The following INPP4B variants were observed in gnomAD, a reference collection of about 807,000 sequenced individuals.
INPP4B encodes inositol polyphosphate 4-phosphatase type II.
INPP4B carries 55 observed loss-of-function variants against 122.5 expected under a neutral mutation model. The observed-to-expected ratio is 0.45, with a 90% CI of 0.36 to 0.56. The LOEUF (loss-of-function observed/expected upper bound fraction) is 0.56, where lower values mean the gene tolerates loss of function less well. Ranked by LOEUF, INPP4B falls within the 20% of genes least tolerant of loss-of-function variation. The pLI, the probability that INPP4B is intolerant of heterozygous loss-of-function variation, is 0.00. For synonymous variants in INPP4B, 403 were observed against 388.7 expected (o/e 1.04, Z -0.43); for missense variants, 1,000 against 1,097.7 (o/e 0.91, Z 1.26).
At chr4:142,398,376 TAAAAAAAAAAAA>T (rs1183246808) in intron 7 of INPP4B, among the ~76,000 whole-genome samples, 4 of 8,864 alleles carry the variant, frequency 4.5e-4, no homozygotes, top group South Asian at 4.8e-3. Flanking sequence ...AGACTCTGTC[TAAAAAAAAAAAA>T]AAAAAAAAAA....
At chr4:142,299,768 T>G (rs1760592350) in intron 9 of INPP4B, among the ~76,000 whole-genome samples, 1 of 152,054 alleles carries the variant, frequency 6.6e-6, no homozygotes, top group African/African-American at 2.4e-5. Flanking sequence ...GTTGTGGAGA[T>G]CATTAGAATC....
At chr4:142,110,772 TTAAA>T (rs1561150616) in intron 22 of INPP4B, among the ~76,000 whole-genome samples, 1 of 152,160 alleles carries the variant, frequency 6.6e-6, no homozygotes, top group Non-Finnish European at 1.5e-5. Flanking sequence ...AGGACACTTC[TTAAA>T]TAAAATGACT....
At chr4:142,454,154 A>T (rs1269627916) in intron 3 of INPP4B, among the ~76,000 whole-genome samples, 1 of 152,094 alleles carries the variant, frequency 6.6e-6, no homozygotes, top group East Asian at 1.9e-4. Context: ...CTCAAGTAAA[A>T]GATCACTAGC....
intron 2 of INPP4B, among the ~76,000 whole-genome samples, chr4:142,600,158 G>A (rs980958761): frequency 6.6e-6 from 1 of 152,078 alleles, no homozygotes; most frequent in African/African-American, 2.4e-5. Context: ...CCAGATTCAG[G>A]AGGCCCAGCA....
chr4:142,114,748 T>A (rs62328207), intron 21 of INPP4B, among the ~76,000 whole-genome samples: 10 of 152,060 alleles, frequency 6.6e-5, no homozygotes. Context: ...GTTCTTTTGA[T>A]GCTTAAATGT....
intron 15 of INPP4B, among the ~76,000 whole-genome samples, chr4:142,174,186 G>A (rs2152952808): frequency 6.6e-6 from 1 of 152,158 alleles, no homozygotes; most frequent in Middle Eastern, 3.4e-3. Flanking sequence ...TAAGCCAGTG[G>A]GAAAAGATTC....
At chr4:142,644,020 G>A (rs984550749) in intron 2 of INPP4B, among the ~76,000 whole-genome samples, 1 of 151,904 alleles carries the variant, frequency 6.6e-6, no homozygotes, top group Non-Finnish European at 1.5e-5. Context: ...GGGCAACATT[G>A]CGTGATCCCA....
intron 22 of INPP4B, 106 bp downstream of exon 22, chr4:142,112,436 C>T (rs1366300266): frequency 9.8e-6 from 11 of 1,119,480 alleles, no homozygotes; most frequent in African/African-American, 1.6e-5. Flanking sequence ...AAAAATGTTA[C>T]TCATAAATTG....
At chr4:142,414,358 A>C (rs1292218493) in intron 5 of INPP4B, among the ~76,000 whole-genome samples, 2 of 152,156 alleles carry the variant, frequency 1.3e-5, no homozygotes, top group Admixed American at 6.5e-5. Context: ...TATTATTGAT[A>C]CTAAAATAAA....
At chr4:142,800,956 G>A (rs1365816965) in intron 1 of INPP4B, among the ~76,000 whole-genome samples, 2 of 152,152 alleles carry the variant, frequency 1.3e-5, no homozygotes, top group African/African-American at 4.8e-5. Context: ...GTCACTTAAA[G>A]GATCTGAAGT....
chr4:142,641,544 T>A (rs1481889389), intron 2 of INPP4B, among the ~76,000 whole-genome samples: 7 of 152,050 alleles, frequency 4.6e-5, no homozygotes, highest in African/African-American at 1.7e-4. Context: ...CTTGCGACAG[T>A]TTGCTGAGAA....
intron 17 of INPP4B, among the ~76,000 whole-genome samples, chr4:142,151,460 T>C (rs1350130739): frequency 6.6e-6 from 1 of 152,182 alleles, no homozygotes; most frequent in Non-Finnish European, 1.5e-5. Context: ...TCCCAATAAC[T>C]ACACTCAGTT....
At chr4:142,077,836 C>A (rs2152511548) in intron 25 of INPP4B, among the ~76,000 whole-genome samples, 1 of 151,944 alleles carries the variant, frequency 6.6e-6, no homozygotes, top group South Asian at 2.1e-4. Flanking sequence ...GTCATAATGT[C>A]ATTAAAATCA....
At chr4:142,574,339 C>T (rs1262745739) in intron 2 of INPP4B, among the ~76,000 whole-genome samples, 2 of 152,076 alleles carry the variant, frequency 1.3e-5, no homozygotes, top group African/African-American at 2.4e-5. Context: ...AATCCTCTAT[C>T]TGCTTAAGGT....
chr4:142,785,020 T>C (rs911286583), intron 1 of INPP4B, among the ~76,000 whole-genome samples: 4 of 152,228 alleles, frequency 2.6e-5, no homozygotes, highest in African/African-American at 7.2e-5. Context: ...CTCAAACCTG[T>C]ACAGCAATGT....
intron 7 of INPP4B, among the ~76,000 whole-genome samples, chr4:142,330,896 G>A (rs1260789198): frequency 1.3e-5 from 2 of 152,150 alleles, no homozygotes; most frequent in Non-Finnish European, 2.9e-5. Flanking sequence ...TTAAATCTAA[G>A]TGCACTAAGC....
At chr4:142,673,467 A>T (rs1757282979) in intron 2 of INPP4B, among the ~76,000 whole-genome samples, 1 of 151,470 alleles carries the variant, frequency 6.6e-6, no homozygotes, top group South Asian at 2.1e-4. Context: ...CCTAATTGCC[A>T]CAAGGAGGTT....
At chr4:142,423,678 A>G (rs142581050) in intron 5 of INPP4B, 41 of 330,984 alleles carry the variant, frequency 1.2e-4, no homozygotes, top group African/African-American at 9.1e-4. Context: ...AAACTCTAGG[A>G]CGGTACACAT....
intron 16 of INPP4B, among the ~76,000 whole-genome samples, chr4:142,172,352 G>A (rs1191736511): frequency 1.3e-5 from 2 of 151,872 alleles, no homozygotes; most frequent in Non-Finnish European, 2.9e-5. Context: ...TGTGTGAAAT[G>A]AAGATAATAT....
Sources: allele counts gnomAD v4.1 joint callset (sites outside exome capture counted in the v4.1 genomes callset), GRCh38; gene constraint gnomAD v4.1.1; transcripts MANE v1.5; gene names NCBI Gene and HGNC (gene_info 2026-07-23, HGNC 2026-07-21).